The following MUC5AC variants were observed in gnomAD, a reference collection of about 807,000 sequenced individuals.
MUC5AC encodes mucin-5AC.
Under a neutral mutation model 169.7 loss-of-function variants are expected in MUC5AC, and 158 were observed. That is an observed-to-expected ratio of 0.93 (90% confidence interval 0.82 to 1.06). The LOEUF is 1.06. Ranked by LOEUF, MUC5AC falls within the 50% of genes least tolerant of loss-of-function variation. MUC5AC has a pLI of 0.00. For missense variants in MUC5AC, 4,359 were observed against 3,089.9 expected, an observed-to-expected ratio of 1.41 and a Z score of -9.74; for synonymous variants, 1,975 against 1,237.0, an observed-to-expected ratio of 1.60 and a Z score of -12.52.
rs752933610 is a variant in MUC5AC, at chr11:1,192,433, CCTCTGTGGCATCCAG to C, written c.14313_14327del (p.Ser4772_Ala4776del). 1.2e-4 allele frequency: 94 copies of C among 765,152 alleles called. 1 individual carries two copies. The highest frequency in any genetic ancestry group is 3.2e-4 in the African/African-American group (19 of 59,262). 47.4% of individuals were successfully genotyped at this position (765,152 alleles called of 1,614,324 possible). On this transcript the variant is annotated inframe_deletion, in exon 31 of 49. Transcript: ENST00000621226. ...ATGGTATCCGCCTCCGTGGCATCCA[CCTCTGTGGCATCCAG>C]CTCTGTGGCATCCAGCTCTGTGGCT...
intron 15 of MUC5AC, among the ~76,000 whole-genome samples, chr11:1,170,673 C>T (rs1860485438): frequency 1.6e-5 from 2 of 124,362 alleles, no homozygotes; most frequent in Non-Finnish European, 3.4e-5. Context: ...ACCCACTCAC[C>T]AACTCACCCA....
In MUC5AC at chr11:1,185,595, A is replaced by G. The variant is rs1449681659; in HGVS notation, c.7450A>G (p.Thr2484Ala). Residue 2484 changes from threonine (T) to alanine (A), a missense_variant, in exon 31 of 49, where the codon ACA becomes GCA. By Grantham distance (58) the Thr-to-Ala change is moderately conservative. Coordinates refer to ENST00000621226, the MANE Select transcript of MUC5AC (RefSeq NM_001304359.2). ...CACAACCTCTGCCGCTACAACCAGC[A>G]CAACCTCTGGTCCTGAAACTACTCC... is the stretch of plus-strand genomic sequence containing the variant. ...SSTTSAATTSTTSGPETTPRP... is the reference protein window; with the variant it reads ...SSTTSAATTSATSGPETTPRP... The G allele has an allele frequency of 5.5e-6, 4 of 727,646 alleles. No homozygotes were observed. The African/African-American group carries it at 6.9e-5, about 13-fold the overall frequency. 45.1% of individuals were successfully genotyped at this position (727,646 alleles called of 1,614,324 possible). A position where few individuals can be genotyped will look rare whatever the true frequency, so the allele number is the denominator to read the frequency against.
In MUC5AC at chr11:1,168,917, G is replaced by C; in HGVS notation, c.1761G>C (p.Gly587=). Residue 587 remains glycine, a synonymous_variant, in exon 15 of 49, where the codon GGG becomes GGC. Coordinates refer to ENST00000621226, the MANE Select transcript of MUC5AC (RefSeq NM_001304359.2). ...CCGATGACTTCCGGACCCTCAGTGGGGTGGTGGAGGCCACCGCTGCGGCCT... is the reference window on the plus strand; with the variant it reads ...CCGATGACTTCCGGACCCTCAGTGGCGTGGTGGAGGCCACCGCTGCGGCCT... ...IQADDFRTLS[G]VVEATAAAFF... 1 of 1,611,152 alleles carries C rather than the reference G, an allele frequency of 6.2e-7. No homozygotes were observed. The highest frequency in any genetic ancestry group is 8.5e-7 in the Non-Finnish European group (1 of 1,179,048).
At position 1,186,406 on chromosome 11, in the gene MUC5AC, C is replaced by A; in HGVS notation, c.8261C>A (p.Thr2754Asn). ...PTPRRTSAPT[T>N]STISASTTST... is the part of the protein sequence containing the mutation. ...CCCAGAAGAACCTCAGCCCCTACAA[C>A]CAGCACAATCTCTGCCTCTACCACC... The change falls in exon 31 of 49, where the codon ACC becomes AAC. Residue 2754 changes from threonine to asparagine, a missense_variant. Coordinates refer to ENST00000621226, the MANE Select transcript of MUC5AC (RefSeq NM_001304359.2). 1.4e-6 allele frequency: 1 copy of A among 705,420 alleles called. No individual in the cohort carries two copies. The highest frequency in any genetic ancestry group is 2.6e-6 in the Non-Finnish European group (1 of 386,550). 43.7% of individuals were successfully genotyped at this position (705,420 alleles called of 1,614,324 possible).
In MUC5AC at chr11:1,164,475, C is replaced by T. The variant is rs55863018; in HGVS notation, c.1072C>T (p.Gln358Ter). Residue 358 changes from glutamine (Q) to a stop codon, truncating the protein, a stop_gained, in exon 9 of 49, where the codon CAG becomes TAG. Transcript: ENST00000621226. LOFTEE classifies it high-confidence loss of function. ...RSPCADTCSN[Q>*]EHSRACEDHC... is the part of the protein sequence containing the mutation. ...CCCCTGCGCAGACACCTGCTCCAAC[C>T]AGGAGCACTCCCGGGCCTGTGAGGA... is the stretch of plus-strand genomic sequence containing the variant. 6.2e-7 allele frequency: 1 copy of T among 1,611,912 alleles called. No homozygotes were observed. The highest frequency in any genetic ancestry group is 8.5e-7 in the Non-Finnish European group (1 of 1,179,548).
At chr11:1,170,190 TTCAC>T (rs1158387862) in intron 15 of MUC5AC, among the ~76,000 whole-genome samples, 25 of 17,828 alleles carry the variant, frequency 1.4e-3, no homozygotes, top group East Asian at 2.8e-3. Flanking sequence ...CATTCACCCA[TTCAC>T]TCACTCACCC....
At position 1,184,917 on chromosome 11, in the gene MUC5AC, A is replaced by G; in HGVS notation, c.6772A>G (p.Thr2258Ala). 1 of 630,098 alleles carries G rather than the reference A, an allele frequency of 1.6e-6. No homozygotes were observed. Among genetic ancestry groups the G allele is most frequent in the South Asian group, 1.8e-5 (1 of 54,742 alleles). 39.0% of individuals were successfully genotyped at this position (630,098 alleles called of 1,614,324 possible). The change falls in exon 31 of 49, where the codon ACC becomes GCC. Residue 2258 changes from threonine to alanine, a missense_variant. Physicochemically the swap from Thr to Ala is moderately conservative, Grantham distance 58. Coordinates refer to ENST00000621226, the MANE Select transcript of MUC5AC (RefSeq NM_001304359.2). ...QKSRTTTLVT[T>A]STTSTPQTST... The stretch of plus-strand genomic sequence containing the variant: ...ATCCAGGACAACCACTTTGGTGACA[A>G]CCAGCACAACCTCCACTCCACAGAC...
At position 1,184,793 on chromosome 11, in the gene MUC5AC, C is replaced by A; in HGVS notation, c.6648C>A (p.Thr2216=). Residue 2216 remains threonine (T), a synonymous_variant, in exon 31 of 49, where the codon ACC becomes ACA. Transcript: ENST00000621226. ...NYEVRVLCCE[T]PKGCPVTSTP... ...AGGTGCGTGTGCTCTGCTGCGAGAC[C>A]CCCAAAGGCTGCCCCGTGACCTCCA... 1 of 655,402 alleles carries A rather than the reference C, an allele frequency of 1.5e-6. No individual in the cohort carries two copies. Among genetic ancestry groups the A allele is most frequent in the Non-Finnish European group, 2.7e-6 (1 of 364,480 alleles). 40.6% of individuals were successfully genotyped at this position (655,402 alleles called of 1,614,324 possible).
intron 1 of MUC5AC, among the ~76,000 whole-genome samples, chr11:1,159,675 A>T (rs1290064358): frequency 8.8e-6 from 1 of 113,728 alleles, no homozygotes; most frequent in Non-Finnish European, 1.8e-5. Flanking sequence ...GTCTGGCCCC[A>T]CCATGCTGGT....
chr11:1,180,792 G>T (rs1014107908), intron 28 of MUC5AC, among the ~76,000 whole-genome samples: 1 of 152,148 alleles, frequency 6.6e-6, no homozygotes, highest in African/African-American at 2.4e-5. Context: ...GGGCTCAGGG[G>T]GCGGCAGGGG....
At chr11:1,172,575 G>A (rs928684346) in intron 16 of MUC5AC, 52 bp downstream of exon 16, 4 of 398,466 alleles carry the variant, frequency 1.0e-5, no homozygotes, top group Admixed American at 4.4e-5. Context: ...TGAGCCTCAC[G>A]GCTGCCTCCA....
rs1860401942 is a variant in MUC5AC, at chr11:1,168,613, A to G, written c.1568-29A>G. The G allele has an allele frequency of 3.1e-6, 5 of 1,611,982 alleles. No homozygotes were observed. The East Asian group carries it at 1.1e-4, about 36-fold the overall frequency. On this transcript the variant is annotated intron_variant, in intron 13 of 48. Transcript: ENST00000621226. Reference sequence around the variant, plus strand: ...CCTGGGGTCCCGCCCCACAGCCCCCAGCAAAACCCTTGTCCTTTGTGTCCC... The same window carrying G: ...CCTGGGGTCCCGCCCCACAGCCCCCGGCAAAACCCTTGTCCTTTGTGTCCC...
At position 1,185,582 on chromosome 11, in the gene MUC5AC, C is replaced by T. The variant is rs1436050734; in HGVS notation, c.7437C>T (p.Ala2479=). Reference sequence around the variant, plus strand: ...CTCCTAAAAGCAGCACAACCTCTGCCGCTACAACCAGCACAACCTCTGGTC... The same window carrying T: ...CTCCTAAAAGCAGCACAACCTCTGCTGCTACAACCAGCACAACCTCTGGTC... ...TSAPKSSTTS[A]ATTSTTSGPE... Residue 2479 remains alanine (A), a synonymous_variant, in exon 31 of 49, where the codon GCC becomes GCT. Transcript: ENST00000621226. 4.8e-5 allele frequency: 35 copies of T among 722,198 alleles called. No homozygotes were observed. Among genetic ancestry groups the T allele is most frequent in the East Asian group, 1.0e-4 (4 of 38,882 alleles). The allele number at this position is 722,198 out of a possible 1,614,324, so 44.7% of individuals were successfully genotyped here. A position where few individuals can be genotyped will look rare whatever the true frequency, so the allele number is the denominator to read the frequency against.
At position 1,192,193 on chromosome 11, in the gene MUC5AC, A is replaced by G; in HGVS notation, c.14048A>G (p.Glu4683Gly). 2 of 765,102 alleles carry G rather than the reference A, an allele frequency of 2.6e-6. No homozygotes were observed. The highest frequency in any genetic ancestry group is 4.8e-6 in the Non-Finnish European group (2 of 417,900). 47.4% of individuals were successfully genotyped at this position (765,102 alleles called of 1,614,324 possible). Residue 4683 changes from glutamate (E) to glycine (G), a missense_variant, in exon 31 of 49, where the codon GAG (glutamate) becomes GGG (glycine). Transcript: ENST00000621226. Reference sequence around the variant, plus strand: ...CAGTGCCGAGCCGAGAGCCACCCGGAGGTGAACATTGAACACCTGGGTCAG... The same window carrying G: ...CAGTGCCGAGCCGAGAGCCACCCGGGGGTGAACATTGAACACCTGGGTCAG... The part of the protein sequence containing the change: ...RLQCRAESHP[E>G]VNIEHLGQVV...
Position 1,180,379 on chromosome 11 carries a change from G to A in MUC5AC, c.3639G>A (p.Glu1213=), listed in dbSNP as rs942465469. The stretch of plus-strand genomic sequence containing the variant: ...GCTGCTACCCCAAGTGCCCACCAGA[G>A]GCTCCCATCTTTGATGAGGACAAGA... ...LEGCYPKCPP[E]APIFDEDKMQ... is the part of the protein sequence containing the mutation. Residue 1213 remains glutamate, a synonymous_variant, in exon 28 of 49, where the codon GAG becomes GAA. Transcript: ENST00000621226. The A allele has an allele frequency of 2.8e-5, 11 of 398,632 alleles. No homozygotes were observed. The highest frequency in any genetic ancestry group is 4.4e-5 in the Non-Finnish European group (10 of 226,148). 24.7% of individuals were successfully genotyped at this position (398,632 alleles called of 1,614,324 possible).
Position 1,162,593 on chromosome 11 carries a change from G to A in MUC5AC, c.535G>A (p.Val179Met). 6.2e-7 allele frequency: 1 copy of A among 1,612,736 alleles called. No individual in the cohort carries two copies. The stretch of plus-strand genomic sequence containing the variant: ...TCAGCAGAGCAGCAGCTACACCAAG[G>A]TGGAGGCCAGGCTGGGCCTTGTCCT... ...LIQQSSSYTKVEARLGLVLMW... is the reference protein window; with the variant it reads ...LIQQSSSYTKMEARLGLVLMW... Residue 179 changes from valine to methionine, a missense_variant, in exon 5 of 49, where the codon GTG becomes ATG. Coordinates refer to ENST00000621226, the MANE Select transcript of MUC5AC (RefSeq NM_001304359.2).
chr11:1,184,813 C>T lies in MUC5AC; in HGVS notation c.6668C>T (p.Thr2223Ile). The T allele has an allele frequency of 1.5e-6, 1 of 649,340 alleles. No individual in the cohort carries two copies. 40.2% of individuals were successfully genotyped at this position (649,340 alleles called of 1,614,324 possible). ...GAGACCCCCAAAGGCTGCCCCGTGACCTCCACACCTGTGACAGCTCCTAGC... is the reference window on the plus strand; with the variant it reads ...GAGACCCCCAAAGGCTGCCCCGTGATCTCCACACCTGTGACAGCTCCTAGC... ...CCETPKGCPV[T>I]STPVTAPSTP... The change falls in exon 31 of 49, where the codon ACC (threonine) becomes ATC (isoleucine). Residue 2223 changes from threonine (T) to isoleucine (I), a missense_variant. Transcript: ENST00000621226.
At position 1,191,959 on chromosome 11, in the gene MUC5AC, C is replaced by T. The variant is rs201531248; in HGVS notation, c.13814C>T (p.Ser4605Leu). Residue 4605 changes from serine to leucine, a missense_variant, in exon 31 of 49, where the codon TCA becomes TTA. Ser to Leu is a moderately radical substitution (Grantham distance 145). Transcript: ENST00000621226. ...CCCACCACCAGCACAACCCCTGTTT[C>T]AAAGACCAGCACAAGCCATCTTTCT... The part of the protein sequence containing the change: ...PVPTTSTTPV[S>L]KTSTSHLSVS... 5.2e-6 allele frequency: 4 copies of T among 765,248 alleles called. No individual in the cohort carries two copies. The highest frequency in any genetic ancestry group is 9.6e-6 in the Non-Finnish European group (4 of 417,914). 47.4% of individuals were successfully genotyped at this position (765,248 alleles called of 1,614,324 possible).
intron 30 of MUC5AC, 80 bp from the exon 31 acceptor site, chr11:1,182,075 G>T (rs974513752): frequency 5.2e-6 from 2 of 382,066 alleles, no homozygotes; most frequent in East Asian, 7.3e-5. Context: ...GCTCCAGACC[G>T]GTGACAGAGC....
Sources: gnomAD v4.1 joint callset for allele counts (sites outside exome capture counted in the v4.1 genomes callset) on GRCh38, gnomAD v4.1.1 for gene constraint, MANE v1.5 for transcripts, NCBI Gene and HGNC (gene_info 2026-07-23, HGNC 2026-07-21) for gene names.